FAT3: variants seen among roughly 807,000 people sequenced by gnomAD.
The protein encoded by FAT3 is protocadherin Fat 3.
A neutral mutation model predicts 310.2 loss-of-function variants in FAT3; 95 were observed. The ratio of observed to expected loss-of-function variants is 0.31; its 90% confidence interval spans 0.26 to 0.36. The LOEUF (loss-of-function observed/expected upper bound fraction) is 0.36. Among genes scored for constraint, FAT3 ranks in the 10% least tolerant of loss-of-function variants. FAT3 has a pLI of 1.00. For missense variants in FAT3, 5,408 were observed against 5,715.6 expected (o/e 0.95, Z 1.74); for synonymous variants, 2,314 against 2,192.9 (o/e 1.06, Z -1.54).
intron 1 of FAT3, among the ~76,000 whole-genome samples, chr11:92,278,327 G>A (rs997078428): frequency 4.6e-5 from 7 of 152,122 alleles, no homozygotes; most frequent in Admixed American, 3.9e-4. Flanking sequence ...GAATGGTGTT[G>A]AGACAATCAT....
intron 2 of FAT3, among the ~76,000 whole-genome samples, chr11:92,380,073 G>C (rs936067772): frequency 3.6e-4 from 1 of 2,812 alleles, no homozygotes; most frequent in African/African-American, 3.7e-4. Flanking sequence ...AAACTGATTC[G>C]TGTGTGTGTG....
At chr11:92,252,582 C>G (rs1865177348) in intron 1 of FAT3, among the ~76,000 whole-genome samples, 1 of 152,146 alleles carries the variant, frequency 6.6e-6, no homozygotes, top group African/African-American at 2.4e-5. Flanking sequence ...AAAGAATTTA[C>G]TTGGCTGCAA....
chr11:92,416,383 CAAAA>C (rs60702258), intron 2 of FAT3, among the ~76,000 whole-genome samples: 2 of 107,928 alleles, frequency 1.9e-5, no homozygotes, highest in African/African-American at 3.0e-5. Flanking sequence ...GACTCCATCT[CAAAA>C]AAAAAAAAAA....
chr11:92,859,610 G>A (rs907038353), intron 21 of FAT3, among the ~76,000 whole-genome samples: 6 of 152,184 alleles, frequency 3.9e-5, no homozygotes, highest in Non-Finnish European at 8.8e-5. Flanking sequence ...ATTAGAATGT[G>A]TCTCCTAATC....
At chr11:92,454,732 A>G (rs2135082047) in intron 2 of FAT3, among the ~76,000 whole-genome samples, 1 of 152,316 alleles carries the variant, frequency 6.6e-6, no homozygotes, top group South Asian at 2.1e-4. Flanking sequence ...GAACCACTGG[A>G]TTGGACTTTG....
At chr11:92,534,828 G>A (rs1954199678) in intron 3 of FAT3, among the ~76,000 whole-genome samples, 1 of 152,184 alleles carries the variant, frequency 6.6e-6, no homozygotes, top group Non-Finnish European at 1.5e-5. Context: ...TTTAACTGAA[G>A]CCACATAAGA....
At chr11:92,330,534 G>A (rs1947888715) in intron 1 of FAT3, among the ~76,000 whole-genome samples, 1 of 152,214 alleles carries the variant, frequency 6.6e-6, no homozygotes, top group Non-Finnish European at 1.5e-5. Flanking sequence ...TGGGGAGAAG[G>A]AGCAAAGTCA....
chr11:92,769,133 T>C (rs1946396949), intron 6 of FAT3, among the ~76,000 whole-genome samples: 1 of 152,150 alleles, frequency 6.6e-6, no homozygotes, highest in Non-Finnish European at 1.5e-5. Context: ...CCTGGACCCT[T>C]GCATCGAGGA....
chr11:92,662,044 T>C (rs1277747452), intron 3 of FAT3, among the ~76,000 whole-genome samples: 1 of 152,182 alleles, frequency 6.6e-6, no homozygotes, highest in East Asian at 1.9e-4. Context: ...TTATTACGAC[T>C]GTTATTACAA....
At chr11:92,827,625 A>G (rs896124118) in intron 13 of FAT3, among the ~76,000 whole-genome samples, 3 of 152,294 alleles carry the variant, frequency 2.0e-5, no homozygotes, top group South Asian at 2.1e-4. Flanking sequence ...AAAAAGTCCA[A>G]CTTTCCATTT....
chr11:92,561,947 C>T (rs532658098), intron 3 of FAT3, among the ~76,000 whole-genome samples: 3 of 152,196 alleles, frequency 2.0e-5, no homozygotes, highest in African/African-American at 7.2e-5. Context: ...TAATTTTAAA[C>T]AATAAATAAG....
At chr11:92,554,409 C>T (rs973860119) in intron 3 of FAT3, among the ~76,000 whole-genome samples, 1 of 127,824 alleles carries the variant, frequency 7.8e-6, no homozygotes, top group African/African-American at 3.0e-5. Context: ...TTGCAGTGAG[C>T]CGAGATTGCG....
intron 2 of FAT3, among the ~76,000 whole-genome samples, chr11:92,374,992 A>C (rs1455325063): frequency 3.3e-5 from 5 of 152,186 alleles, no homozygotes; most frequent in Non-Finnish European, 5.9e-5. Context: ...GGAGCATAAA[A>C]CATTCACGCA....
At chr11:92,613,493 C>A (rs1271868823) in intron 3 of FAT3, among the ~76,000 whole-genome samples, 2 of 152,152 alleles carry the variant, frequency 1.3e-5, no homozygotes, top group African/African-American at 4.8e-5. Context: ...GGTTCTGACA[C>A]TTGTTTTAAT....
chr11:92,841,739 C>T (rs1342527472), intron 18 of FAT3, among the ~76,000 whole-genome samples: 2 of 152,186 alleles, frequency 1.3e-5, no homozygotes, highest in African/African-American at 2.4e-5. Context: ...TTGTAAAAGG[C>T]TCCCTCCCCC....
rs1317978008 is a variant in FAT3, at chr11:92,786,565, C to G, written c.4336-3378C>G. ...ACTATACCGAAATGCCGTTTCTCAT[C>G]TATCAGATTGGCAAAAAATCTAGAA... On this transcript the variant is annotated intron_variant, in intron 7 of 27. Transcript: ENST00000525166. 2.0e-5 allele frequency among the ~76,000 whole-genome samples: 3 copies of G among 151,836 alleles called. No homozygotes were observed. In the East Asian group the frequency reaches 5.8e-4, roughly 29 times the overall value.
At chr11:92,291,245 G>T (rs942478684) in intron 1 of FAT3, among the ~76,000 whole-genome samples, 2 of 152,126 alleles carry the variant, frequency 1.3e-5, no homozygotes, top group African/African-American at 4.8e-5. Context: ...CTGACCTGAG[G>T]TATCTCAAGC....
At chr11:92,483,534 CTG>C in intron 2 of FAT3, among the ~76,000 whole-genome samples, 1 of 152,194 alleles carries the variant, frequency 6.6e-6, no homozygotes, top group African/African-American at 2.4e-5. Context: ...GTGTAGCTCT[CTG>C]TCTACTAGAC....
At chr11:92,500,753 A>C (rs532676903) in intron 2 of FAT3, among the ~76,000 whole-genome samples, 1 of 152,178 alleles carries the variant, frequency 6.6e-6, no homozygotes, top group South Asian at 2.1e-4. Context: ...AAGGAAAAGT[A>C]TCACCTTAAT....
Sources: gnomAD v4.1 joint callset for allele counts (sites outside exome capture counted in the v4.1 genomes callset) on GRCh38, gnomAD v4.1.1 for gene constraint, MANE v1.5 for transcripts, NCBI Gene and HGNC (gene_info 2026-07-23, HGNC 2026-07-21) for gene names.